The following LIFR variants were observed in gnomAD, a reference collection of about 807,000 sequenced individuals.
The protein encoded by LIFR is LIF receptor subunit alpha.
In LIFR, 84 loss-of-function variants were observed where a neutral mutation model predicts 122.2. That is an observed-to-expected ratio of 0.69 (90% CI 0.58 to 0.82). LIFR has a LOEUF of 0.82. Ranked by LOEUF, LIFR falls within the 40% of genes least tolerant of loss-of-function variation. The pLI is 0.00. For missense variants in LIFR, 1,294 were observed against 1,311.6 expected (o/e 0.99, Z 0.21); for synonymous variants, 422 against 434.7 (o/e 0.97, Z 0.36).
intron 2 of LIFR, among the ~76,000 whole-genome samples, chr5:38,602,274 C>T (rs951681757): frequency 6.6e-6 from 1 of 152,188 alleles, no homozygotes; most frequent in African/African-American, 2.4e-5. Context: ...TTGACATATA[C>T]TCCTCTTTCT....
chr5:38,477,296 G>C lies in LIFR; in HGVS notation c.*4299C>G, dbSNP rs1579983672. 1 of 219,824 alleles carries C rather than the reference G, an allele frequency of 4.5e-6. No homozygotes were observed. Among genetic ancestry groups the C allele is most frequent in the East Asian group, 6.7e-5 (1 of 14,826 alleles). The allele number at this position is 219,824 out of a possible 1,614,324, so 13.6% of individuals were successfully genotyped here. On this transcript the variant is annotated 3_prime_UTR_variant, in exon 20 of 20. Coordinates refer to ENST00000453190, the MANE Select transcript of LIFR (RefSeq NM_001127671.2). ...ATTTCCAATGATATTCTAAGGCTAA[G>C]TCTAAAAGATGAATGTTCTGTAACT...
At chr5:38,607,986 G>T (rs1750365953) in intron 1 of LIFR, 3 of 152,120 alleles carry the variant, frequency 2.0e-5, no homozygotes, top group African/African-American at 7.2e-5. Flanking sequence ...TCTCTTGAGA[G>T]GGCGCTTCTT....
chr5:38,569,433 C>T (rs1183924897), intron 1 of LIFR, among the ~76,000 whole-genome samples: 1 of 151,890 alleles, frequency 6.6e-6, no homozygotes, highest in Non-Finnish European at 1.5e-5. Context: ...GCGAGCATTA[C>T]CACCTGAGCT....
At chr5:38,521,773 T>C (rs959564524) in intron 5 of LIFR, among the ~76,000 whole-genome samples, 1 of 152,076 alleles carries the variant, frequency 6.6e-6, no homozygotes, top group African/African-American at 2.4e-5. Context: ...AGTGGGCCAG[T>C]CTTCAGGCCC....
At chr5:38,535,449 T>C (rs899702598) in intron 1 of LIFR, among the ~76,000 whole-genome samples, 2 of 152,176 alleles carry the variant, frequency 1.3e-5, no homozygotes, top group African/African-American at 2.4e-5. Context: ...CTTGATTTTG[T>C]AAATCTTCCT....
At chr5:38,553,641 TATATATATATA>T (rs1748340129) in intron 1 of LIFR, among the ~76,000 whole-genome samples, 1 of 82,186 alleles carries the variant, frequency 1.2e-5, no homozygotes, top group Non-Finnish European at 2.2e-5. Flanking sequence ...TATATATATA[TATATATATATA>T]TATATATATA....
intron 5 of LIFR, among the ~76,000 whole-genome samples, chr5:38,512,170 A>C (rs1044943496): frequency 6.6e-6 from 1 of 152,168 alleles, no homozygotes; most frequent in African/African-American, 2.4e-5. Flanking sequence ...TTTAGGCCCT[A>C]ATGTATTATA....
chr5:38,569,592 A>G (rs1561216780), intron 1 of LIFR, among the ~76,000 whole-genome samples: 1 of 152,012 alleles, frequency 6.6e-6, no homozygotes, highest in Non-Finnish European at 1.5e-5. Context: ...TCATCCTGAA[A>G]CCATCATCTC....
At chr5:38,522,610 T>C (rs939437771) in intron 5 of LIFR, among the ~76,000 whole-genome samples, 5 of 152,240 alleles carry the variant, frequency 3.3e-5, no homozygotes, top group African/African-American at 4.8e-5. Context: ...CAGGTTTGTA[T>C]GTGGCCTAGA....
At chr5:38,538,739 C>A (rs879522642) in intron 1 of LIFR, among the ~76,000 whole-genome samples, 2 of 152,208 alleles carry the variant, frequency 1.3e-5, no homozygotes, top group Non-Finnish European at 2.9e-5. Flanking sequence ...AATTTACAAC[C>A]CTCTGGCAAG....
At chr5:38,562,977 C>T (rs1748889728) in intron 1 of LIFR, among the ~76,000 whole-genome samples, 2 of 152,130 alleles carry the variant, frequency 1.3e-5, no homozygotes, top group Non-Finnish European at 2.9e-5. Flanking sequence ...CTTCGGGTAC[C>T]TAATCTGGAA....
intron 1 of LIFR, among the ~76,000 whole-genome samples, chr5:38,572,997 C>T (rs1269024516): frequency 6.6e-6 from 1 of 152,208 alleles, no homozygotes; most frequent in African/African-American, 2.4e-5. Context: ...TGTCACTCTC[C>T]TGTGTTCTAA....
upstream of LIFR, chr5:38,608,400 A>G (rs949758156): frequency 1.3e-5 from 2 of 152,166 alleles, no homozygotes; most frequent in African/African-American, 4.8e-5. Flanking sequence ...TGAGACCTGG[A>G]ATGCAACCAG....
intron 2 of LIFR, among the ~76,000 whole-genome samples, chr5:38,602,160 C>T (rs1157506544): frequency 6.6e-6 from 1 of 152,200 alleles, no homozygotes; most frequent in Non-Finnish European, 1.5e-5. Flanking sequence ...ATCAGTCCTC[C>T]AATGCCATTA....
At chr5:38,484,215 C>T (rs1201762869) in intron 18 of LIFR, among the ~76,000 whole-genome samples, 1 of 152,210 alleles carries the variant, frequency 6.6e-6, no homozygotes, top group African/African-American at 2.4e-5. Context: ...CCTCAGGGTA[C>T]CTGGTTCAGT....
chr5:38,608,357 C>T (rs184357337), upstream of LIFR: 479 of 152,242 alleles, frequency 3.1e-3, 3 homozygotes, highest in African/African-American at 0.011. Flanking sequence ...ACAAACTGAG[C>T]TGGTCTAAGA....
intron 1 of LIFR, among the ~76,000 whole-genome samples, chr5:38,543,947 T>G (rs1033139705): frequency 3.3e-5 from 5 of 152,094 alleles, no homozygotes; most frequent in Non-Finnish European, 5.9e-5. Flanking sequence ...CCTAAATTTG[T>G]TCTTCCCCTA....
chr5:38,521,339 T>C (rs1428885793), intron 5 of LIFR, among the ~76,000 whole-genome samples: 1 of 152,178 alleles, frequency 6.6e-6, no homozygotes, highest in Non-Finnish European at 1.5e-5. Flanking sequence ...TTTACACTTT[T>C]CTAGATACAA....
intron 2 of LIFR, among the ~76,000 whole-genome samples, chr5:38,529,416 G>A (rs538614898): frequency 6.6e-6 from 1 of 152,052 alleles, no homozygotes; most frequent in East Asian, 1.9e-4. Flanking sequence ...CTAATCTTTA[G>A]GTTATTATGA....
Sources: gnomAD v4.1 joint callset for allele counts (sites outside exome capture counted in the v4.1 genomes callset) on GRCh38, gnomAD v4.1.1 for gene constraint, MANE v1.5 for transcripts, NCBI Gene and HGNC (gene_info 2026-07-23, HGNC 2026-07-21) for gene names.